Variants in SORCS1 observed in about 807,000 individuals in gnomAD.
SORCS1 encodes the protein VPS10 domain-containing receptor SorCS1.
In SORCS1, 60 loss-of-function variants were observed where a neutral mutation model predicts 146.1. The observed-to-expected ratio is 0.41, with a 90% CI of 0.33 to 0.51. The LOEUF (loss-of-function observed/expected upper bound fraction) is 0.51. SORCS1 is among the 20% of genes least tolerant of loss of function. The pLI is 0.21. For missense variants in SORCS1, 1,352 were observed against 1,487.6 expected (o/e 0.91, Z 1.50); for synonymous variants, 637 against 584.0 (o/e 1.09, Z -1.31).
At chr10:106,763,935 C>T (rs758749293) in intron 4 of SORCS1, among the ~76,000 whole-genome samples, 2 of 152,132 alleles carry the variant, frequency 1.3e-5, no homozygotes, top group South Asian at 4.1e-4. Context: ...TCTACGTGTA[C>T]GGGTGCCTCA....
chr10:106,858,604 T>C (rs1251892083), intron 2 of SORCS1, among the ~76,000 whole-genome samples: 1 of 71,742 alleles, frequency 1.4e-5, no homozygotes, highest in Non-Finnish European at 3.0e-5. Context: ...CAAGCCTCTG[T>C]CTCAAAAAAA....
At chr10:106,638,681 T>C (rs1320906992) in intron 18 of SORCS1, among the ~76,000 whole-genome samples, 2 of 152,306 alleles carry the variant, frequency 1.3e-5, no homozygotes, top group East Asian at 3.9e-4. Context: ...ATGAAATGGA[T>C]ATATGATTTC....
chr10:107,035,279 C>CA (rs11458224), intron 1 of SORCS1, among the ~76,000 whole-genome samples: 57,107 of 128,320 alleles, frequency 0.45, 12,463 homozygotes, highest in East Asian at 0.64. Flanking sequence ...AAAAAAACAA[C>CA]AAAAAAAAAA....
At chr10:106,841,447 G>T (rs149841948) in intron 2 of SORCS1, among the ~76,000 whole-genome samples, 58 of 151,332 alleles carry the variant, frequency 3.8e-4, no homozygotes, top group African/African-American at 1.2e-3. Context: ...TCCAGCCTGG[G>T]CGACAGAGTG....
chr10:106,610,907 G>A (rs1339533189), intron 22 of SORCS1, among the ~76,000 whole-genome samples: 2 of 152,000 alleles, frequency 1.3e-5, no homozygotes, highest in African/African-American at 2.4e-5. Flanking sequence ...GGTGACACCC[G>A]TCTCTACTTA....
At chr10:107,170,401 G>C in the SORCS1 span, among the ~76,000 whole-genome samples, 1 of 152,130 alleles carries the variant, frequency 6.6e-6, no homozygotes, top group Admixed American at 6.5e-5. Context: ...GAAACAAAAT[G>C]CTACCTCAAA....
intron 1 of SORCS1, among the ~76,000 whole-genome samples, chr10:107,147,422 C>T (rs1019630869): frequency 6.6e-6 from 1 of 152,126 alleles, no homozygotes; most frequent in African/African-American, 2.4e-5. Context: ...TCAAAGTGCA[C>T]CCCTACCCTC....
At chr10:106,632,270 C>T (rs1418664585) in intron 18 of SORCS1, among the ~76,000 whole-genome samples, 2 of 152,190 alleles carry the variant, frequency 1.3e-5, no homozygotes, top group African/African-American at 4.8e-5. Flanking sequence ...TGTATGACAG[C>T]AGAAGGCAGC....
At chr10:106,744,136 G>C (rs148603781) in intron 5 of SORCS1, among the ~76,000 whole-genome samples, 8 of 151,504 alleles carry the variant, frequency 5.3e-5, no homozygotes, top group Non-Finnish European at 1.0e-4. Context: ...ATAGAGTCTC[G>C]CTCTGTCACC....
In SORCS1 at chr10:106,622,040, C is replaced by T. The variant is rs564638693; in HGVS notation, c.2663-1479G>A. 2.0e-5 allele frequency among the ~76,000 whole-genome samples: 3 copies of T among 152,068 alleles called. No homozygotes were observed. The East Asian group carries it at 5.8e-4, about 29-fold the overall frequency. On this transcript the variant is annotated intron_variant, in intron 19 of 25. Transcript: ENST00000263054. ...GGTGTGGTGGCTCATGCCTGTAATC[C>T]CGACACTTTTGGAGGCCGAGTTGGG...
chr10:106,827,750 T>C (rs1296551775), intron 3 of SORCS1, among the ~76,000 whole-genome samples: 13 of 152,232 alleles, frequency 8.5e-5, no homozygotes, highest in Admixed American at 8.5e-4. Context: ...TAAGGGAAGA[T>C]AGGAATGTTT....
intron 2 of SORCS1, among the ~76,000 whole-genome samples, chr10:106,906,423 G>C (rs1230619232): frequency 6.6e-6 from 1 of 152,084 alleles, no homozygotes; most frequent in Non-Finnish European, 1.5e-5. Context: ...CAGAAAAAGA[G>C]GTTTAATTTG....
chr10:107,177,588 T>A, the SORCS1 span, among the ~76,000 whole-genome samples: 1 of 152,038 alleles, frequency 6.6e-6, no homozygotes, highest in South Asian at 2.1e-4. Flanking sequence ...ATTGCTAAAA[T>A]AATTAATTTT....
upstream of SORCS1, among the ~76,000 whole-genome samples, chr10:107,168,666 CT>C (rs57998261): frequency 0.37 from 44,065 of 117,910 alleles, 9,182 homozygotes; most frequent in Middle Eastern, 0.53. Context: ...CAGCTCATGC[CT>C]TTTTTTTTTT....
chr10:106,943,442 C>G (rs1223033666), intron 2 of SORCS1, among the ~76,000 whole-genome samples: 1 of 152,082 alleles, frequency 6.6e-6, no homozygotes, highest in Non-Finnish European at 1.5e-5. Context: ...ACTCCAAGGC[C>G]ATGTATACTT....
intron 18 of SORCS1, among the ~76,000 whole-genome samples, chr10:106,647,459 A>C (rs1029427827): frequency 4.6e-5 from 7 of 151,844 alleles, no homozygotes; most frequent in Non-Finnish European, 8.8e-5. Flanking sequence ...AGGTATCAAG[A>C]CTCACCCTAA....
intron 2 of SORCS1, among the ~76,000 whole-genome samples, chr10:106,871,316 G>A (rs1950399149): frequency 6.6e-6 from 1 of 152,148 alleles, no homozygotes; most frequent in Admixed American, 6.5e-5. Context: ...GCTAAAAACA[G>A]AACTAGCATT....
chr10:106,735,448 A>G (rs1187659334), intron 5 of SORCS1, among the ~76,000 whole-genome samples: 1 of 152,236 alleles, frequency 6.6e-6, no homozygotes, highest in Admixed American at 6.5e-5. Context: ...ATTTGAAGAC[A>G]CAGGAGGAAT....
intron 17 of SORCS1, among the ~76,000 whole-genome samples, chr10:106,657,484 G>GA (rs962912100): frequency 9.9e-5 from 15 of 151,854 alleles, no homozygotes; most frequent in African/African-American, 1.7e-4. Flanking sequence ...GGGTGACAGA[G>GA]AAAAAACTAC....
Sources: gnomAD v4.1 joint callset for allele counts (sites outside exome capture counted in the v4.1 genomes callset) on GRCh38, gnomAD v4.1.1 for gene constraint, MANE v1.5 for transcripts, NCBI Gene and HGNC (gene_info 2026-07-23, HGNC 2026-07-21) for gene names.